Variants in HTR4 observed in about 807,000 individuals in gnomAD.
The protein encoded by HTR4 is 5-hydroxytryptamine receptor 4.
Under a neutral mutation model 36.8 loss-of-function variants are expected in HTR4, and 16 were observed. The observed-to-expected ratio is 0.43, with a 90% CI of 0.29 to 0.66. HTR4 has a LOEUF of 0.66. Among genes scored for constraint, HTR4 ranks in the 30% least tolerant of loss-of-function variants. The pLI is 0.13. For missense variants in HTR4, 438 were observed against 490.9 expected (o/e 0.89, Z 1.02); for synonymous variants, 189 against 185.1 (o/e 1.02, Z -0.17).
At chr5:148,575,500 T>A (rs1415619716) in intron 2 of HTR4, among the ~76,000 whole-genome samples, 3 of 152,158 alleles carry the variant, frequency 2.0e-5, no homozygotes, top group South Asian at 2.1e-4. Context: ...TGTGGGAGCA[T>A]CACCACATTG....
At chr5:148,455,889 G>A (rs190779696) in intron 5 of HTR4, among the ~76,000 whole-genome samples, 12 of 152,166 alleles carry the variant, frequency 7.9e-5, no homozygotes, top group East Asian at 1.9e-4. Flanking sequence ...CATAAAAGTC[G>A]TCATCCTCAG....
chr5:148,509,857 C>T lies in HTR4; in HGVS notation c.675G>A (p.Gln225=). Residue 225 remains glutamine, a synonymous_variant, in exon 6 of 7, where the codon CAG becomes CAA. Coordinates refer to ENST00000377888, the MANE Select transcript of HTR4 (RefSeq NM_000870.7). ...CTCCTGCCCGTTGTAACATCTGGATCTGATGGGCATGCTCCTTAGCTGTGA... is the reference window on the plus strand; with the variant it reads ...CTCCTGCCCGTTGTAACATCTGGATTTGATGGGCATGCTCCTTAGCTGTGA... The part of the protein sequence containing the change: ...IYVTAKEHAH[Q]IQMLQRAGAS... 2 of 1,614,030 alleles carry T rather than the reference C, an allele frequency of 1.2e-6. No homozygotes were observed. Among genetic ancestry groups the T allele is most frequent in the South Asian group, 1.1e-5 (1 of 91,062 alleles).
chr5:148,550,659 C>T (rs529828791), intron 2 of HTR4, among the ~76,000 whole-genome samples: 1 of 152,242 alleles, frequency 6.6e-6, no homozygotes, highest in Admixed American at 6.5e-5. Flanking sequence ...CAATTTGGTC[C>T]AACTTTGTGT....
At chr5:148,456,381 T>A (rs1360881945) in intron 5 of HTR4, among the ~76,000 whole-genome samples, 1 of 152,212 alleles carries the variant, frequency 6.6e-6, no homozygotes, top group African/African-American at 2.4e-5. Context: ...CTTTATGCAC[T>A]GTCTCTAACT....
intron 2 of HTR4, among the ~76,000 whole-genome samples, chr5:148,619,221 TC>T: frequency 6.6e-6 from 1 of 152,250 alleles, no homozygotes; most frequent in Non-Finnish European, 1.5e-5. Flanking sequence ...TCACCGGACC[TC>T]TCTCTCCTGG....
At chr5:148,635,961 T>C (rs907732440) in intron 2 of HTR4, among the ~76,000 whole-genome samples, 6 of 152,202 alleles carry the variant, frequency 3.9e-5, no homozygotes, top group Admixed American at 2.6e-4. Context: ...TGTATATCTA[T>C]ATGTATTAGA....
downstream of HTR4, among the ~76,000 whole-genome samples, chr5:148,471,738 T>C (rs6891815): frequency 0.078 from 11,945 of 152,220 alleles, 1,575 homozygotes; most frequent in African/African-American, 0.27. Flanking sequence ...TTAATTGTTA[T>C]TTAACGTTGG....
intron 2 of HTR4, among the ~76,000 whole-genome samples, chr5:148,567,066 C>T (rs1235237050): frequency 6.6e-6 from 1 of 152,044 alleles, no homozygotes; most frequent in Non-Finnish European, 1.5e-5. Context: ...AGTTATTAAA[C>T]TTACTAATTG....
intron 4 of HTR4, among the ~76,000 whole-genome samples, chr5:148,546,848 T>C (rs116235044): frequency 4.5e-4 from 68 of 152,364 alleles, no homozygotes; most frequent in African/African-American, 1.6e-3. Flanking sequence ...TTTCCTATAA[T>C]ACAAACTTTC....
chr5:148,564,205 CT>C (rs1760336836), intron 2 of HTR4, among the ~76,000 whole-genome samples: 1 of 152,104 alleles, frequency 6.6e-6, no homozygotes, highest in South Asian at 2.1e-4. Context: ...TGCCCAAATT[CT>C]CACTCAGTGA....
At chr5:148,553,841 T>C (rs959150470) in intron 2 of HTR4, among the ~76,000 whole-genome samples, 4 of 152,200 alleles carry the variant, frequency 2.6e-5, no homozygotes, top group African/African-American at 9.7e-5. Flanking sequence ...AGGTTAAATA[T>C]AGAATGCCTA....
At chr5:148,517,682 G>T (rs1471140984) in intron 5 of HTR4, among the ~76,000 whole-genome samples, 1 of 151,634 alleles carries the variant, frequency 6.6e-6, no homozygotes, top group Non-Finnish European at 1.5e-5. Flanking sequence ...AATAGATCCA[G>T]ATTCTAAATT....
At chr5:148,582,847 G>A (rs557150043) in intron 2 of HTR4, among the ~76,000 whole-genome samples, 60 of 152,076 alleles carry the variant, frequency 3.9e-4, no homozygotes, top group Non-Finnish European at 6.3e-4. Context: ...GAGACAACGG[G>A]GTTTTATAGA....
chr5:148,619,322 T>C (rs1383974619), intron 2 of HTR4, among the ~76,000 whole-genome samples: 2 of 152,144 alleles, frequency 1.3e-5, no homozygotes, highest in Non-Finnish European at 2.9e-5. Context: ...CAATTAATGA[T>C]GCTTGCAAGA....
chr5:148,463,026 A>ATTCT (rs1352393813), intron 5 of HTR4, among the ~76,000 whole-genome samples: 2 of 152,030 alleles, frequency 1.3e-5, no homozygotes, highest in Admixed American at 6.6e-5. Context: ...TTGATATCGA[A>ATTCT]AATCTACACA....
chr5:148,599,655 A>G (rs945191726), intron 2 of HTR4, among the ~76,000 whole-genome samples: 13 of 152,256 alleles, frequency 8.5e-5, no homozygotes, highest in African/African-American at 2.9e-4. Context: ...AAATGATCCC[A>G]GAGAAAAACA....
chr5:148,591,133 G>A (rs1464683542), intron 2 of HTR4, among the ~76,000 whole-genome samples: 1 of 152,070 alleles, frequency 6.6e-6, no homozygotes, highest in Non-Finnish European at 1.5e-5. Flanking sequence ...AATATCATAT[G>A]GTCATAGATG....
At chr5:148,551,882 A>G (rs1009117800) in intron 2 of HTR4, among the ~76,000 whole-genome samples, 1 of 152,188 alleles carries the variant, frequency 6.6e-6, no homozygotes, top group African/African-American at 2.4e-5. Context: ...CTAGACCCAA[A>G]CCCCACATTT....
rs187262323 is a variant in HTR4 at position 148,615,261 on chromosome 5, C to T, written c.26+21728G>A. ...TTTATTGCAGCATTATTCACAATAG[C>T]AAAGACTTGGAACCAACCCAAATGT... is the stretch of plus-strand genomic sequence containing the variant. On this transcript the variant is annotated intron_variant, in intron 2 of 6. Coordinates refer to ENST00000377888, the MANE Select transcript of HTR4 (RefSeq NM_000870.7). Among the ~76,000 whole-genome samples the T allele has an allele frequency of 3.8e-4, 58 of 152,136 alleles. 2 individuals carry two copies. In the East Asian group the frequency reaches 0.011, roughly 28 times the overall value.
Sources: allele counts gnomAD v4.1 joint callset (sites outside exome capture counted in the v4.1 genomes callset), GRCh38; gene constraint gnomAD v4.1.1; transcripts MANE v1.5; gene names NCBI Gene and HGNC (gene_info 2026-07-23, HGNC 2026-07-21).